Variants in EDIL3 observed in about 807,000 individuals in gnomAD.
EDIL3 encodes the protein EGF like and discoidin domains 3, also known as EGF-like repeat and discoidin I-like domain-containing protein 3.
Under a neutral mutation model 67.4 loss-of-function variants are expected in EDIL3, and 37 were observed. The ratio of observed to expected loss-of-function variants is 0.55; its 90% CI spans 0.42 to 0.72. The LOEUF is 0.72. EDIL3 is among the 30% of genes least tolerant of loss of function. The pLI is 0.00. For missense variants in EDIL3, 527 were observed against 586.3 expected (o/e 0.90, Z 1.04); for synonymous variants, 195 against 196.3 (o/e 0.99, Z 0.05).
chr5:84,242,907 T>G (rs1744827915), intron 2 of EDIL3, among the ~76,000 whole-genome samples: 1 of 151,890 alleles, frequency 6.6e-6, no homozygotes. Flanking sequence ...ACACAAGCAC[T>G]GCAGTGTGCA....
At chr5:84,202,100 A>T (rs775885089) in intron 3 of EDIL3, among the ~76,000 whole-genome samples, 8 of 152,170 alleles carry the variant, frequency 5.3e-5, no homozygotes, top group Non-Finnish European at 8.8e-5. Context: ...ATCCCTTTTC[A>T]AGTTATAAGT....
At chr5:84,378,373 T>C (rs1289870475) in intron 1 of EDIL3, among the ~76,000 whole-genome samples, 1 of 152,116 alleles carries the variant, frequency 6.6e-6, no homozygotes, top group Non-Finnish European at 1.5e-5. Context: ...CACTTACCAC[T>C]CCCCACCCCA....
At position 84,238,542 on chromosome 5, in the gene EDIL3, G is replaced by A. The variant is rs561281610; in HGVS notation, c.197-8658C>T. On this transcript the variant is annotated intron_variant, in intron 2 of 10. Transcript: ENST00000296591. ...AAGGACACTAACCATAAGAAATAAA[G>A]CACAATTTCTGCTTGATTACGTAGA... Among the ~76,000 whole-genome samples, 4 of 151,752 alleles carry A rather than the reference G, an allele frequency of 2.6e-5. No individual in the cohort carries two copies. In the South Asian group the frequency reaches 8.3e-4, roughly 32 times the overall value.
At chr5:84,147,360 C>T (rs1748306420) in intron 4 of EDIL3, among the ~76,000 whole-genome samples, 1 of 151,970 alleles carries the variant, frequency 6.6e-6, no homozygotes. Context: ...CATCAGGGAA[C>T]ATGCATGTAC....
chr5:84,295,488 T>C (rs1309338336), intron 1 of EDIL3, among the ~76,000 whole-genome samples: 1 of 151,994 alleles, frequency 6.6e-6, no homozygotes, highest in Non-Finnish European at 1.5e-5. Context: ...TAAATTATAT[T>C]TAGATATTTT....
chr5:84,324,674 C>T (rs901287612), intron 1 of EDIL3, among the ~76,000 whole-genome samples: 1 of 150,902 alleles, frequency 6.6e-6, no homozygotes, highest in Non-Finnish European at 1.5e-5. Flanking sequence ...ACTAGACAAA[C>T]TAAGAAAAAA....
intron 9 of EDIL3, among the ~76,000 whole-genome samples, chr5:84,010,996 G>A (rs534624142): frequency 1.2e-4 from 18 of 152,144 alleles, no homozygotes; most frequent in Non-Finnish European, 2.6e-4. Flanking sequence ...GATGAAACAA[G>A]TCCTTATAAA....
intron 3 of EDIL3, among the ~76,000 whole-genome samples, chr5:84,207,159 C>G (rs1744000120): frequency 6.6e-6 from 1 of 152,282 alleles, no homozygotes; most frequent in East Asian, 1.9e-4. Context: ...ACTGTCTCAG[C>G]CCAAAATCTC....
At chr5:83,972,081 T>C (rs1016773595) in intron 9 of EDIL3, among the ~76,000 whole-genome samples, 1 of 152,148 alleles carries the variant, frequency 6.6e-6, no homozygotes, top group African/African-American at 2.4e-5. Context: ...ACTTGGTCTA[T>C]GTTATTTGGC....
At chr5:84,019,204 A>G (rs1416918169) in intron 9 of EDIL3, among the ~76,000 whole-genome samples, 2 of 152,220 alleles carry the variant, frequency 1.3e-5, no homozygotes, top group Non-Finnish European at 1.5e-5. Context: ...ACCATGGAAT[A>G]CTATGCAGCC....
chr5:84,133,820 T>C (rs1450347849), intron 5 of EDIL3, among the ~76,000 whole-genome samples: 2 of 151,604 alleles, frequency 1.3e-5, no homozygotes, highest in Non-Finnish European at 2.9e-5. Context: ...ATAAATAAAC[T>C]AAAAAAGAAT....
At chr5:84,132,121 G>T (rs1338692602) in intron 5 of EDIL3, among the ~76,000 whole-genome samples, 1 of 149,990 alleles carries the variant, frequency 6.7e-6, no homozygotes, top group East Asian at 2.0e-4. Context: ...TGTAATCCCA[G>T]CTACTTGGGA....
At chr5:84,139,718 T>C (rs1748156229) in intron 4 of EDIL3, among the ~76,000 whole-genome samples, 1 of 152,182 alleles carries the variant, frequency 6.6e-6, no homozygotes, top group African/African-American at 2.4e-5. Context: ...TTCTCATATA[T>C]ACTTAGAGAG....
rs186823892 is a variant in EDIL3, at chr5:84,154,207, A to G, written c.356-16853T>C. 1.5e-4 allele frequency among the ~76,000 whole-genome samples: 23 copies of G among 152,330 alleles called. No individual in the cohort carries two copies. In the East Asian group the frequency reaches 3.5e-3, roughly 23 times the overall value. ...AACCAAGCCATATCTCCAAACCCAA[A>G]GTTAAGGGGTGAGAAAAATATATTT... On this transcript the variant is annotated intron_variant, in intron 4 of 10. Coordinates refer to ENST00000296591, the MANE Select transcript of EDIL3 (RefSeq NM_005711.5).
chr5:84,091,349 C>A (rs1225224152), intron 6 of EDIL3, among the ~76,000 whole-genome samples: 1 of 152,210 alleles, frequency 6.6e-6, no homozygotes, highest in African/African-American at 2.4e-5. Context: ...ACTGTTAGAT[C>A]TTAAAGCTAA....
chr5:84,326,891 T>A (rs1196689775), intron 1 of EDIL3, among the ~76,000 whole-genome samples: 5 of 152,006 alleles, frequency 3.3e-5, no homozygotes, highest in Non-Finnish European at 7.4e-5. Flanking sequence ...CTTTTAAAAA[T>A]TTTTTCATCT....
At chr5:84,324,439 C>A (rs146207358) in intron 1 of EDIL3, among the ~76,000 whole-genome samples, 3 of 151,928 alleles carry the variant, frequency 2.0e-5, no homozygotes, top group Admixed American at 6.6e-5. Context: ...TAAATACATA[C>A]TTTCAAATGC....
intron 1 of EDIL3, among the ~76,000 whole-genome samples, chr5:84,257,184 C>T (rs1294702703): frequency 2.0e-5 from 3 of 152,124 alleles, no homozygotes; most frequent in Non-Finnish European, 1.5e-5. Context: ...TTTCTGGTGC[C>T]TTAAGAAACC....
chr5:84,342,547 T>C (rs4535435), intron 1 of EDIL3, among the ~76,000 whole-genome samples: 4 of 152,170 alleles, frequency 2.6e-5, no homozygotes, highest in Admixed American at 2.6e-4. Context: ...AAAATTACAG[T>C]TGTACCCCCA....
Sources: gnomAD v4.1 joint callset for allele counts (sites outside exome capture counted in the v4.1 genomes callset) on GRCh38, gnomAD v4.1.1 for gene constraint, MANE v1.5 for transcripts, NCBI Gene and HGNC (gene_info 2026-07-23, HGNC 2026-07-21) for gene names.